RBFOX3: variants seen among roughly 807,000 people sequenced by gnomAD.
RBFOX3 encodes RNA binding fox-1 homolog 3.
A neutral mutation model predicts 48.7 loss-of-function variants in RBFOX3; 17 were observed. The observed-to-expected ratio is 0.35, with a 90% CI of 0.24 to 0.52. RBFOX3 has a LOEUF of 0.52. RBFOX3 is among the 20% of genes least tolerant of loss of function. RBFOX3 has a pLI of 0.94. For synonymous variants in RBFOX3, 212 were observed against 209.5 expected, an observed-to-expected ratio of 1.01 and a Z score of -0.10; for missense variants, 382 against 497.5, an observed-to-expected ratio of 0.77 and a Z score of 2.21.
intron 4 of RBFOX3, among the ~76,000 whole-genome samples, chr17:79,157,277 A>G (rs2145141312): frequency 6.6e-6 from 1 of 152,272 alleles, no homozygotes; most frequent in East Asian, 1.9e-4. Context: ...GCACCCAGGC[A>G]CTGTCCACTC....
At chr17:79,590,849 G>C (rs1482619754) in intron 1 of RBFOX3, among the ~76,000 whole-genome samples, 1 of 152,182 alleles carries the variant, frequency 6.6e-6, no homozygotes, top group Non-Finnish European at 1.5e-5. Flanking sequence ...CAAGGCCCAG[G>C]AGGACAATAT....
chr17:79,234,343 G>C (rs984601323), intron 4 of RBFOX3: 1 of 152,292 alleles, frequency 6.6e-6, no homozygotes, highest in African/African-American at 2.4e-5. Context: ...GTCTAGCCCA[G>C]GTCTAGTTCT....
At chr17:79,664,235 C>T in the RBFOX3 span, among the ~76,000 whole-genome samples, 3 of 150,624 alleles carry the variant, frequency 2.0e-5, no homozygotes, top group Admixed American at 6.6e-5. Flanking sequence ...AGTGCAGTGG[C>T]GCAATCTCAG....
chr17:79,417,063 G>A (rs1363609788), intron 2 of RBFOX3, among the ~76,000 whole-genome samples: 1 of 152,220 alleles, frequency 6.6e-6, no homozygotes, highest in Non-Finnish European at 1.5e-5. Flanking sequence ...GCTCTCCCCA[G>A]CTCTGCATAA....
chr17:79,331,500 C>A (rs1421386950), intron 2 of RBFOX3, among the ~76,000 whole-genome samples: 4 of 152,208 alleles, frequency 2.6e-5, no homozygotes, highest in South Asian at 2.1e-4. Context: ...ATTCCAGAGG[C>A]CTCTGCCCCC....
At chr17:79,467,021 A>G (rs995079396) in intron 2 of RBFOX3, among the ~76,000 whole-genome samples, 3 of 152,216 alleles carry the variant, frequency 2.0e-5, no homozygotes, top group Non-Finnish European at 2.9e-5. Flanking sequence ...CATGCATGAC[A>G]CATGCCATAT....
chr17:79,620,467 A>G, the RBFOX3 span, among the ~76,000 whole-genome samples: 67 of 145,504 alleles, frequency 4.6e-4, no homozygotes, highest in South Asian at 7.4e-3. Context: ...ACACACATGC[A>G]CACGTGCACA....
At chr17:79,138,702 T>C (rs2040942279) in intron 4 of RBFOX3, among the ~76,000 whole-genome samples, 1 of 59,590 alleles carries the variant, frequency 1.7e-5, no homozygotes, top group East Asian at 7.8e-4. Context: ...ACACAGCACA[T>C]GCGTTCACAC....
At chr17:79,295,109 G>C (rs1057111412) in intron 3 of RBFOX3, among the ~76,000 whole-genome samples, 1 of 152,120 alleles carries the variant, frequency 6.6e-6, no homozygotes, top group Admixed American at 6.5e-5. Flanking sequence ...GAGAGAAGAC[G>C]GCCACAGGGA....
At chr17:79,410,227 C>T (rs933696540) in intron 2 of RBFOX3, among the ~76,000 whole-genome samples, 43 of 152,324 alleles carry the variant, frequency 2.8e-4, no homozygotes, top group Non-Finnish European at 4.9e-4. Flanking sequence ...CTCTTGTGGA[C>T]GGTCAGTTTC....
chr17:79,381,071 C>T (rs1174392157), intron 2 of RBFOX3, among the ~76,000 whole-genome samples: 1 of 152,146 alleles, frequency 6.6e-6, no homozygotes, highest in Non-Finnish European at 1.5e-5. Flanking sequence ...ACCATCCTAA[C>T]TAACACGGTG....
At chr17:79,101,186 T>G (rs1599419441) in intron 9 of RBFOX3, among the ~76,000 whole-genome samples, 1 of 152,226 alleles carries the variant, frequency 6.6e-6, no homozygotes, top group East Asian at 1.9e-4. Flanking sequence ...CTGAGCCTGC[T>G]TACACTGGGA....
chr17:79,406,530 G>A (rs2063555054), intron 2 of RBFOX3, among the ~76,000 whole-genome samples: 1 of 152,158 alleles, frequency 6.6e-6, no homozygotes, highest in African/African-American at 2.4e-5. Context: ...GGAAATCCCT[G>A]ACTCACTTCT....
Position 79,240,339 on chromosome 17 carries a change from GCC to G in RBFOX3, c.-73-4536_-73-4535del, listed in dbSNP as rs1246944408. 2.6e-5 allele frequency among the ~76,000 whole-genome samples: 4 copies of G among 152,318 alleles called. No homozygotes were observed. In the South Asian group the frequency reaches 8.3e-4, roughly 32 times the overall value. ...ATCAGACCACTCCCACTCATTGGTGGCCCTTCAGCTTAGCTGTCACACATACA... is the reference window on the plus strand; with the variant it reads ...ATCAGACCACTCCCACTCATTGGTGGCTTCAGCTTAGCTGTCACACATACA... On this transcript the variant is annotated intron_variant, in intron 3 of 14. Transcript: ENST00000693108.
At chr17:79,476,668 G>A (rs915348593) in intron 2 of RBFOX3, among the ~76,000 whole-genome samples, 1 of 152,210 alleles carries the variant, frequency 6.6e-6, no homozygotes, top group African/African-American at 2.4e-5. Flanking sequence ...CCTGTGAGGG[G>A]TAAGTGGTGA....
In RBFOX3 at chr17:79,150,265, G is replaced by C. The variant is rs143899980; in HGVS notation, c.-33-34517C>G. Among the ~76,000 whole-genome samples the C allele has an allele frequency of 9.2e-5, 14 of 152,122 alleles. No individual in the cohort carries two copies. The East Asian group carries it at 2.5e-3, about 27-fold the overall frequency. ...GCCCTCAAGGCACAAAGCCTCGTGG[G>C]GGGTCCTGGCTGGGGCCCAGGCCAC... On this transcript the variant is annotated intron_variant, in intron 4 of 14. Coordinates refer to ENST00000693108, the MANE Select transcript of RBFOX3 (RefSeq NM_001350451.2).
At chr17:79,188,206 G>C (rs909963579) in intron 4 of RBFOX3, among the ~76,000 whole-genome samples, 4 of 152,258 alleles carry the variant, frequency 2.6e-5, no homozygotes, top group Admixed American at 6.5e-5. Context: ...GGGCTGCTGG[G>C]GTGCTCCCCA....
chr17:79,401,934 C>A (rs970111330), intron 2 of RBFOX3, among the ~76,000 whole-genome samples: 1 of 152,244 alleles, frequency 6.6e-6, no homozygotes, highest in Admixed American at 6.5e-5. Context: ...CAGTTGTGGT[C>A]ATCCGTTCTG....
chr17:79,403,542 G>C (rs940605342), intron 2 of RBFOX3, among the ~76,000 whole-genome samples: 3 of 152,180 alleles, frequency 2.0e-5, no homozygotes, highest in African/African-American at 4.8e-5. Flanking sequence ...AGCTCCACAG[G>C]TCCAGCTTCC....
Sources: gnomAD v4.1 joint callset for allele counts (sites outside exome capture counted in the v4.1 genomes callset) on GRCh38, gnomAD v4.1.1 for gene constraint, MANE v1.5 for transcripts, NCBI Gene and HGNC (gene_info 2026-07-23, HGNC 2026-07-21) for gene names.